Variants in MOK observed in about 807,000 individuals in gnomAD.
MOK encodes MAPK/MAK/MRK overlapping kinase.
Under a neutral mutation model 54.2 loss-of-function variants are expected in MOK, and 59 were observed. The ratio of observed to expected loss-of-function variants is 1.09; its 90% confidence interval spans 0.88 to 1.35. The LOEUF is 1.35. Ranked by LOEUF, MOK falls within the 40% of genes most tolerant of loss-of-function variation. The probability of loss-of-function intolerance (pLI) is 0.00; values close to 1 mark genes in which losing one functional copy is unlikely to be tolerated. For synonymous variants in MOK, 210 were observed against 202.7 expected, an observed-to-expected ratio of 1.04 and a Z score of -0.31; for missense variants, 517 against 526.2, an observed-to-expected ratio of 0.98 and a Z score of 0.17.
chr14:102,259,373 A>G (rs955240486), intron 4 of MOK, among the ~76,000 whole-genome samples: 1 of 152,154 alleles, frequency 6.6e-6, no homozygotes, highest in Non-Finnish European at 1.5e-5. Flanking sequence ...ATAACCGTAA[A>G]TAATTAGGTG....
the MOK span, among the ~76,000 whole-genome samples, chr14:102,217,470 T>G: frequency 6.6e-6 from 1 of 152,202 alleles, no homozygotes; most frequent in East Asian, 1.9e-4. Context: ...TCTGGGCAAG[T>G]GTGGCCCCTC....
Position 102,305,018 on chromosome 14 carries a change from G to A in MOK, c.-50C>T. ...CCCCTTGCCGACACTGGACGGAAAA[G>A]AAAGAAGCAGGAAGGTTGTCCCCCT... On this transcript the variant is annotated 5_prime_UTR_variant, in exon 1 of 12. Coordinates refer to ENST00000361847, the MANE Select transcript of MOK (RefSeq NM_014226.3). The A allele has an allele frequency of 2.5e-6, 4 of 1,600,282 alleles. No homozygotes were observed. Among genetic ancestry groups the A allele is most frequent in the Non-Finnish European group, 2.6e-6 (3 of 1,173,322 alleles).
At position 102,229,675 on chromosome 14, in the gene MOK, G is replaced by C; in HGVS notation, c.982-18C>G. 1.9e-6 allele frequency: 3 copies of C among 1,572,642 alleles called. No homozygotes were observed. Among genetic ancestry groups the C allele is most frequent in the Non-Finnish European group, 2.6e-6 (3 of 1,160,870 alleles). ...GACTGTTTCTTGAAACAGAACAGAGGCCAGTTGGACATAAAACGCTTTCTG... is the reference window on the plus strand; with the variant it reads ...GACTGTTTCTTGAAACAGAACAGAGCCCAGTTGGACATAAAACGCTTTCTG... On this transcript the variant is annotated intron_variant, in intron 10 of 11. Transcript: ENST00000361847.
chr14:102,266,867 C>T (rs2067960153), intron 2 of MOK, among the ~76,000 whole-genome samples: 1 of 152,218 alleles, frequency 6.6e-6, no homozygotes, highest in African/African-American at 2.4e-5. Context: ...CAGGTGTGAG[C>T]TACCACGCCC....
rs149225385 is a variant in MOK, at chr14:102,232,635, G to A, written c.766C>T (p.Pro256Ser). Residue 256 changes from proline to serine, a missense_variant, in exon 9 of 12, where the codon CCA becomes TCA. Transcript: ENST00000361847. The surrounding 1 kb of genome is among the most constrained non-coding windows in gnomAD (Gnocchi z 5.1). Reference protein sequence around the residue: ...GIPLLTTNLSPQCLSLLHAMV... With the variant: ...GIPLLTTNLSSQCLSLLHAMV... ...GCGTGCAGGAGGGAGAGGCATTGTG[G>A]GGACAAATTGGTTGTTAGTAGAGGT... is the stretch of plus-strand genomic sequence containing the variant. 1.2e-6 allele frequency: 2 copies of A among 1,613,942 alleles called. No homozygotes were observed. The highest frequency in any genetic ancestry group is 3.3e-5 in the Admixed American group (2 of 59,998).
chr14:102,290,163 G>C (rs968629710), intron 1 of MOK, among the ~76,000 whole-genome samples: 11 of 142,352 alleles, frequency 7.7e-5, no homozygotes, highest in African/African-American at 2.9e-4. Flanking sequence ...AAAAAGACTA[G>C]GTATGGTGGC....
downstream of MOK, chr14:102,223,737 G>C (rs2064137606): frequency 1.3e-5 from 2 of 152,170 alleles, no homozygotes; most frequent in Admixed American, 1.3e-4. Context: ...GAACTGGTTG[G>C]TATGGAATTG....
rs1240200460 is a variant in MOK at position 102,232,863 on chromosome 14, G to A, written c.693-155C>T. On this transcript the variant is annotated intron_variant, in intron 8 of 11. Coordinates refer to ENST00000361847, the MANE Select transcript of MOK (RefSeq NM_014226.3). The surrounding 1 kb of genome is among the most constrained non-coding windows in gnomAD (Gnocchi z 5.1). ...CCACAGAACGTGCACCACCAAGAGG[G>A]ACCCCTGATGTAAATGATGGGCTCT... 2 of 590,596 alleles carry A rather than the reference G, an allele frequency of 3.4e-6. No homozygotes were observed. Among genetic ancestry groups the A allele is most frequent in the Non-Finnish European group, 5.8e-6 (2 of 342,684 alleles). The allele number at this position is 590,596 out of a possible 1,614,324, so 36.6% of individuals were successfully genotyped here.
Position 102,228,974 on chromosome 14 carries a change from A to T in MOK, c.*315T>A. On this transcript the variant is annotated 3_prime_UTR_variant, in exon 12 of 12. Transcript: ENST00000361847. ...CCCACCTTCCAACCACGCCCAACAC[A>T]TCACAGAAATGCCTGCTCGTTTGTT... is the stretch of plus-strand genomic sequence containing the variant. The T allele has an allele frequency of 2.6e-6, 1 of 380,494 alleles. No homozygotes were observed. The highest frequency in any genetic ancestry group is 4.7e-6 in the Non-Finnish European group (1 of 212,762). The allele number at this position is 380,494 out of a possible 1,614,324, so 23.6% of individuals were successfully genotyped here.
At chr14:102,233,293 G>A (rs1440790518) in intron 8 of MOK, 2 of 181,732 alleles carry the variant, frequency 1.1e-5, no homozygotes, top group Admixed American at 1.1e-4. Flanking sequence ...AAGAGTCCGG[G>A]AACACCTCTT....
the MOK span, among the ~76,000 whole-genome samples, chr14:102,218,234 T>C: frequency 6.6e-6 from 1 of 152,230 alleles, no homozygotes; most frequent in Admixed American, 6.5e-5. Context: ...AGAGAGGGTA[T>C]TGAACAGTCC....
downstream of MOK, among the ~76,000 whole-genome samples, chr14:102,222,519 G>T (rs1310648530): frequency 6.6e-6 from 1 of 152,198 alleles, no homozygotes; most frequent in South Asian, 2.1e-4. The surrounding 1 kb of genome is among the most constrained non-coding windows in gnomAD (Gnocchi z 4.4). Flanking sequence ...GGTCAGCAAA[G>T]CTCCAAAGAA....
At chr14:102,247,906 C>T (rs2066215347) in intron 7 of MOK, among the ~76,000 whole-genome samples, 1 of 152,210 alleles carries the variant, frequency 6.6e-6, no homozygotes, top group Non-Finnish European at 1.5e-5. Flanking sequence ...CCTCTTAGGC[C>T]CAGCCATAAC....
intron 7 of MOK, among the ~76,000 whole-genome samples, chr14:102,237,865 CAA>C (rs1227503755): frequency 6.6e-6 from 1 of 152,206 alleles, no homozygotes; most frequent in East Asian, 1.9e-4. Flanking sequence ...AACATTGAGT[CAA>C]AATACCACCA....
At position 102,249,489 on chromosome 14, in the gene MOK, T is replaced by G. The variant is rs879934273; in HGVS notation, c.590+1323A>C. ...CTTTGGGAGGCTGAGGCAGGCGGAT[T>G]ACCTGAAGTCAGGAGTTCAAGACCA... On this transcript the variant is annotated intron_variant, in intron 7 of 11. Transcript: ENST00000361847. The surrounding 1 kb of genome is among the most constrained non-coding windows in gnomAD (Gnocchi z 5.3). Among the ~76,000 whole-genome samples, 1 of 152,016 alleles carries G rather than the reference T, an allele frequency of 6.6e-6. No individual in the cohort carries two copies. Among genetic ancestry groups the G allele is most frequent in the African/African-American group, 2.4e-5 (1 of 41,388 alleles).
At chr14:102,239,908 C>A (rs906392235) in intron 7 of MOK, among the ~76,000 whole-genome samples, 7 of 152,080 alleles carry the variant, frequency 4.6e-5, no homozygotes, top group Admixed American at 2.6e-4. Context: ...ACCCTTAACC[C>A]AACCAGCCTT....
At chr14:102,297,666 G>C (rs1376307660) in intron 1 of MOK, among the ~76,000 whole-genome samples, 2 of 152,192 alleles carry the variant, frequency 1.3e-5, no homozygotes, top group African/African-American at 2.4e-5. Context: ...TGGAGGAAGA[G>C]GCACCGCGAG....
chr14:102,300,323 CAAAAAAAA>C (rs71468398), intron 1 of MOK, among the ~76,000 whole-genome samples: 3 of 38,500 alleles, frequency 7.8e-5, no homozygotes, highest in Non-Finnish European at 1.6e-4. Context: ...AACTCTATCT[CAAAAAAAA>C]AAAAAAAAAA....
chr14:102,302,339 C>T (rs543340449), intron 1 of MOK, among the ~76,000 whole-genome samples: 3 of 151,998 alleles, frequency 2.0e-5, no homozygotes, highest in Admixed American at 1.3e-4. Context: ...TCTCAAAGTG[C>T]TGGGATTACA....
Sources: allele counts gnomAD v4.1 joint callset (sites outside exome capture counted in the v4.1 genomes callset), GRCh38; gene constraint gnomAD v4.1.1; non-coding constraint Gnocchi (gnomAD v3.1); transcripts MANE v1.5; gene names NCBI Gene and HGNC (gene_info 2026-07-23, HGNC 2026-07-21).